Variants in PID1 observed in about 807,000 individuals in gnomAD.
The protein encoded by PID1 is phosphotyrosine interaction domain containing 1.
In PID1, 10 loss-of-function variants were observed where a neutral mutation model predicts 19.1. That is an observed-to-expected ratio of 0.52 (90% CI 0.32 to 0.89). The LOEUF (loss-of-function observed/expected upper bound fraction) is 0.89, where lower values mean the gene tolerates loss of function less well. Among genes scored for constraint, PID1 ranks in the 40% least tolerant of loss-of-function variants. The pLI, the probability that PID1 is intolerant of heterozygous loss-of-function variation, is 0.03. For missense variants in PID1, 248 were observed against 285.3 expected (o/e 0.87, Z 0.94); for synonymous variants, 130 against 116.0 (o/e 1.12, Z -0.78).
intron 1 of PID1, among the ~76,000 whole-genome samples, chr2:229,217,926 A>T (rs1691882875): frequency 6.6e-6 from 1 of 152,118 alleles, no homozygotes. Context: ...TGAGCCTTTC[A>T]CTATACTGTG....
rs1352720954 is a variant in PID1, at chr2:229,046,379, T to TGTGTGC, written c.178-20272_178-20271insGCACAC. ...GTGTGTGTGTGTGTGTGTGTGTGTG[T>TGTGTGC]GCGTGTGTGTGTGTGTGTGAGTCAG... On this transcript the variant is annotated intron_variant, in intron 2 of 2. Coordinates refer to ENST00000392055, the MANE Select transcript of PID1 (RefSeq NM_001100818.2). Among the ~76,000 whole-genome samples, 675 of 144,244 alleles carry TGTGTGC rather than the reference T, an allele frequency of 4.7e-3. 8 individuals carry two copies. The highest frequency in any genetic ancestry group is 0.017 in the African/African-American group (645 of 38,732). 94.6% of individuals were successfully genotyped at this position (144,244 alleles called of 152,430 possible). A position where few individuals can be genotyped will look rare whatever the true frequency, so the allele number is the denominator to read the frequency against.
intron 1 of PID1, among the ~76,000 whole-genome samples, chr2:229,268,096 G>T (rs961439504): frequency 1.3e-5 from 2 of 152,228 alleles, no homozygotes; most frequent in Non-Finnish European, 2.9e-5. Context: ...TGCAATAGAA[G>T]TTTTAACATT....
chr2:229,137,832 G>A (rs1336170719), intron 2 of PID1, among the ~76,000 whole-genome samples: 1 of 152,118 alleles, frequency 6.6e-6, no homozygotes, highest in Non-Finnish European at 1.5e-5. Context: ...CACACATCAA[G>A]GCCATTGAAA....
chr2:229,139,488 A>T (rs1689967152), intron 2 of PID1, among the ~76,000 whole-genome samples: 1 of 152,204 alleles, frequency 6.6e-6, no homozygotes, highest in South Asian at 2.1e-4. Context: ...ATCCTCTAGG[A>T]ACATGTGAAC....
intron 1 of PID1, among the ~76,000 whole-genome samples, chr2:229,178,706 T>C (rs1174088706): frequency 6.6e-6 from 1 of 152,206 alleles, no homozygotes; most frequent in African/African-American, 2.4e-5. Flanking sequence ...ATGACCCATA[T>C]TGAAATTAAC....
intron 2 of PID1, among the ~76,000 whole-genome samples, chr2:229,114,151 TTCTC>T (rs1183310607): frequency 3.1e-5 from 4 of 127,272 alleles, no homozygotes; most frequent in South Asian, 2.9e-4. Flanking sequence ...CTCTCTCTCT[TTCTC>T]TCTCTCTCTC....
At chr2:229,248,609 A>G (rs999216160) in intron 1 of PID1, among the ~76,000 whole-genome samples, 1 of 152,196 alleles carries the variant, frequency 6.6e-6, no homozygotes, top group African/African-American at 2.4e-5. Context: ...TATTATTATG[A>G]TGATTGAAAA....
intron 2 of PID1, among the ~76,000 whole-genome samples, chr2:229,132,345 C>T (rs1689760631): frequency 6.6e-6 from 1 of 152,076 alleles, no homozygotes. Context: ...TATCACGATC[C>T]CAGAGAAAAC....
chr2:229,151,883 A>G (rs910911834), intron 2 of PID1, among the ~76,000 whole-genome samples: 33 of 151,832 alleles, frequency 2.2e-4, no homozygotes, highest in African/African-American at 7.2e-4. Flanking sequence ...TTTTTTTATT[A>G]CTATGGTCAT....
At chr2:229,038,787 G>A (rs980778028) in intron 2 of PID1, among the ~76,000 whole-genome samples, 15 of 152,122 alleles carry the variant, frequency 9.9e-5, no homozygotes, top group African/African-American at 3.6e-4. Flanking sequence ...AGGCAGAAAG[G>A]GAGGTAACCC....
At chr2:229,156,051 G>A (rs1690367519) in intron 1 of PID1, 87 bp from the exon 2 acceptor site, 1 of 1,226,526 alleles carries the variant, frequency 8.2e-7, no homozygotes, top group Non-Finnish European at 1.2e-6. Context: ...GTAGCAACTT[G>A]TTTTATTGAC....
intron 2 of PID1, among the ~76,000 whole-genome samples, chr2:229,046,106 G>A (rs942869705): frequency 1.3e-4 from 20 of 151,870 alleles, no homozygotes; most frequent in East Asian, 3.9e-4. Context: ...TTCCATCAAC[G>A]AACCCCCCGA....
At chr2:229,118,067 T>G (rs1019041951) in intron 2 of PID1, among the ~76,000 whole-genome samples, 5 of 152,142 alleles carry the variant, frequency 3.3e-5, no homozygotes, top group African/African-American at 1.2e-4. Flanking sequence ...ATATCTTTGG[T>G]GACTAAAACA....
At chr2:229,135,489 C>T (rs1689841015) in intron 2 of PID1, among the ~76,000 whole-genome samples, 1 of 152,160 alleles carries the variant, frequency 6.6e-6, no homozygotes, top group Non-Finnish European at 1.5e-5. Flanking sequence ...AATGATACAT[C>T]ATAGCTGTGA....
At chr2:229,237,175 G>C (rs1689726210) in intron 1 of PID1, among the ~76,000 whole-genome samples, 1 of 152,106 alleles carries the variant, frequency 6.6e-6, no homozygotes, top group Admixed American at 6.6e-5. Context: ...AATTCTTTTT[G>C]CATCCAGAGA....
chr2:229,266,749 G>C (rs1441746478), intron 1 of PID1, among the ~76,000 whole-genome samples: 1 of 152,184 alleles, frequency 6.6e-6, no homozygotes, highest in Non-Finnish European at 1.5e-5. Context: ...GGATAAAAGT[G>C]GTTACAGGAT....
intron 1 of PID1, among the ~76,000 whole-genome samples, chr2:229,222,302 T>C (rs964756591): frequency 2.6e-5 from 4 of 152,126 alleles, no homozygotes; most frequent in African/African-American, 9.7e-5. Flanking sequence ...AACCTCCCCA[T>C]CCTGTTATGG....
intron 2 of PID1, among the ~76,000 whole-genome samples, chr2:229,140,539 G>A (rs1689990422): frequency 6.6e-6 from 1 of 151,864 alleles, no homozygotes; most frequent in Admixed American, 6.6e-5. Context: ...CCTTCTCCTG[G>A]CATATGATCT....
chr2:229,194,269 G>C (rs962911755), intron 1 of PID1, among the ~76,000 whole-genome samples: 1 of 151,926 alleles, frequency 6.6e-6, no homozygotes. Flanking sequence ...GAAGACCTAA[G>C]ATTTATTACT....
Sources: allele counts gnomAD v4.1 joint callset (sites outside exome capture counted in the v4.1 genomes callset), GRCh38; gene constraint gnomAD v4.1.1; transcripts MANE v1.5; gene names NCBI Gene and HGNC (gene_info 2026-07-23, HGNC 2026-07-21).